The following CDH13 variants were observed in gnomAD, a reference collection of about 807,000 sequenced individuals.
The protein encoded by CDH13 is cadherin 13, also known as cadherin-13.
A neutral mutation model predicts 63.8 loss-of-function variants in CDH13; 24 were observed. The ratio of observed to expected loss-of-function variants is 0.38; its 90% CI spans 0.27 to 0.53. CDH13 has a LOEUF of 0.53. Among genes scored for constraint, CDH13 ranks in the 20% least tolerant of loss-of-function variants. The probability of loss-of-function intolerance (pLI) is 0.85; values close to 1 mark genes in which losing one functional copy is unlikely to be tolerated. For missense variants in CDH13, 1,049 were observed against 903.1 expected (o/e 1.16, Z -2.07); for synonymous variants, 503 against 355.3 (o/e 1.42, Z -4.67).
At chr16:83,283,174 C>A (rs1259333969) in intron 5 of CDH13, among the ~76,000 whole-genome samples, 4 of 152,184 alleles carry the variant, frequency 2.6e-5, no homozygotes, top group Non-Finnish European at 4.4e-5. Flanking sequence ...TTAATTAGGG[C>A]TCCTCCATCC....
chr16:83,623,306 C>T (rs946678844), intron 8 of CDH13, among the ~76,000 whole-genome samples: 2 of 152,162 alleles, frequency 1.3e-5, no homozygotes, highest in Admixed American at 6.5e-5. Flanking sequence ...TCCCCAGTCA[C>T]GATTAACGGG....
chr16:82,949,986 G>A (rs963417738), intron 2 of CDH13, among the ~76,000 whole-genome samples: 3 of 152,058 alleles, frequency 2.0e-5, no homozygotes, highest in Non-Finnish European at 4.4e-5. Flanking sequence ...AATTCACAAT[G>A]GTTAGTATCA....
intron 6 of CDH13, among the ~76,000 whole-genome samples, chr16:83,426,907 C>CTTTTT (rs71148833): frequency 0.036 from 2,303 of 63,276 alleles, 247 homozygotes; most frequent in Non-Finnish European, 0.046. Context: ...ATGTTTCTTT[C>CTTTTT]TTTTTTTTTT....
rs189474291 is a variant in CDH13, at chr16:83,269,444, A to C, written c.636+51947A>C. On this transcript the variant is annotated intron_variant, in intron 5 of 13. Transcript: ENST00000567109. ...TATCCCACATCATCTATTTGGACCT[A>C]GGGATATGAAGATACAAAGATGCAG... is the stretch of plus-strand genomic sequence containing the variant. 5.3e-5 allele frequency among the ~76,000 whole-genome samples: 8 copies of C among 152,334 alleles called. No individual in the cohort carries two copies. The East Asian group carries it at 1.5e-3, about 29-fold the overall frequency.
At chr16:82,926,802 G>C (rs925254198) in intron 2 of CDH13, among the ~76,000 whole-genome samples, 7 of 152,090 alleles carry the variant, frequency 4.6e-5, no homozygotes, top group Admixed American at 1.3e-4. Context: ...TTCATCCAGG[G>C]GTATCATTGG....
At chr16:83,161,119 T>A (rs796069868) in intron 4 of CDH13, among the ~76,000 whole-genome samples, 1 of 152,200 alleles carries the variant, frequency 6.6e-6, no homozygotes, top group Admixed American at 6.5e-5. Context: ...AAGCTTTGAA[T>A]TTTTGATATC....
At chr16:83,372,527 G>C (rs1170257080) in intron 6 of CDH13, among the ~76,000 whole-genome samples, 1 of 152,038 alleles carries the variant, frequency 6.6e-6, no homozygotes, top group Admixed American at 6.5e-5. Context: ...GCTGAGGCAG[G>C]TGGACCACGA....
chr16:82,803,895 C>G (rs543174628), intron 1 of CDH13, among the ~76,000 whole-genome samples: 5 of 152,248 alleles, frequency 3.3e-5, no homozygotes, highest in African/African-American at 1.2e-4. Context: ...TTTTGTACAA[C>G]TTAGTGCTTT....
intron 5 of CDH13, among the ~76,000 whole-genome samples, chr16:83,246,217 A>G (rs919123187): frequency 1.3e-5 from 2 of 152,210 alleles, no homozygotes; most frequent in Admixed American, 6.5e-5. Flanking sequence ...GTTGATTTCC[A>G]CTAACTTTTC....
intron 2 of CDH13, among the ~76,000 whole-genome samples, chr16:82,922,568 G>A (rs974240939): frequency 6.6e-6 from 1 of 152,148 alleles, no homozygotes; most frequent in Non-Finnish European, 1.5e-5. Flanking sequence ...GGTAATGTAT[G>A]CTGCTATAAC....
chr16:83,553,724 T>G (rs546584411), intron 7 of CDH13, among the ~76,000 whole-genome samples: 17 of 152,272 alleles, frequency 1.1e-4, no homozygotes, highest in African/African-American at 4.1e-4. Flanking sequence ...ACTTGGCTAA[T>G]TTTTGTATTT....
intron 5 of CDH13, among the ~76,000 whole-genome samples, chr16:83,275,857 A>C (rs2088970558): frequency 6.6e-6 from 1 of 152,214 alleles, no homozygotes; most frequent in African/African-American, 2.4e-5. Context: ...GGGAAGGGTC[A>C]CAAATGAGCC....
intron 7 of CDH13, among the ~76,000 whole-genome samples, chr16:83,592,689 C>A (rs540266066): frequency 9.2e-5 from 14 of 152,342 alleles, no homozygotes; most frequent in African/African-American, 3.1e-4. Flanking sequence ...TGCTTCTCCA[C>A]CCTGCCAGCT....
Position 83,122,584 on chromosome 16 carries a change from C to T in CDH13, c.367-2801C>T, listed in dbSNP as rs138672921. Among the ~76,000 whole-genome samples the T allele has an allele frequency of 2.0e-3, 310 of 152,238 alleles. 2 individuals carry two copies. The highest frequency in any genetic ancestry group is 7.2e-3 in the African/African-American group (297 of 41,538). On this transcript the variant is annotated intron_variant, in intron 3 of 13. Coordinates refer to ENST00000567109, the MANE Select transcript of CDH13 (RefSeq NM_001257.5). ...ACACTGAATACAAGTCTCCATAATG[C>T]CTGACATAGTTTGGGACTTTGTGAT...
At chr16:82,876,310 G>A (rs916145048) in intron 2 of CDH13, among the ~76,000 whole-genome samples, 1 of 152,132 alleles carries the variant, frequency 6.6e-6, no homozygotes, top group Admixed American at 6.6e-5. Flanking sequence ...ATGTTGTTAA[G>A]CCTGAAACCA....
rs553072600 is a variant in CDH13, at chr16:83,067,533, G to A, written c.366+35315G>A. ...GTACAAACGACAAGCATTTTTTGCTGCAGTTTGGAAGTATTAATGTTTTAC... is the reference window on the plus strand; with the variant it reads ...GTACAAACGACAAGCATTTTTTGCTACAGTTTGGAAGTATTAATGTTTTAC... On this transcript the variant is annotated intron_variant, in intron 3 of 13. Coordinates refer to ENST00000567109, the MANE Select transcript of CDH13 (RefSeq NM_001257.5). 3.3e-5 allele frequency among the ~76,000 whole-genome samples: 5 copies of A among 152,210 alleles called. No individual in the cohort carries two copies. In the South Asian group the frequency reaches 1.0e-3, roughly 32 times the overall value.
chr16:82,973,680 A>G (rs998123375), intron 2 of CDH13, among the ~76,000 whole-genome samples: 1 of 152,202 alleles, frequency 6.6e-6, no homozygotes, highest in Admixed American at 6.5e-5. Flanking sequence ...GGATGGCTTC[A>G]CTGAAGGGAT....
chr16:82,716,909 C>T (rs553131673), intron 1 of CDH13, among the ~76,000 whole-genome samples: 1 of 152,040 alleles, frequency 6.6e-6, no homozygotes, highest in South Asian at 2.1e-4. Context: ...GGGCTCATTC[C>T]TTCTTCAAGT....
At chr16:82,953,559 A>G (rs576383000) in intron 2 of CDH13, 79 of 152,330 alleles carry the variant, frequency 5.2e-4, no homozygotes, top group African/African-American at 1.9e-3. Flanking sequence ...GAACTTAGTA[A>G]TTTAATTCTG....
Sources: gnomAD v4.1 joint callset for allele counts (sites outside exome capture counted in the v4.1 genomes callset) on GRCh38, gnomAD v4.1.1 for gene constraint, MANE v1.5 for transcripts, NCBI Gene and HGNC (gene_info 2026-07-23, HGNC 2026-07-21) for gene names.